TENM2: variants seen among roughly 807,000 people sequenced by gnomAD.
TENM2 encodes the protein teneurin transmembrane protein 2, also known as teneurin-2.
In TENM2, 52 loss-of-function variants were observed where a neutral mutation model predicts 245.2. The observed-to-expected ratio is 0.21, with a 90% CI of 0.17 to 0.27. The LOEUF (loss-of-function observed/expected upper bound fraction) is 0.27. Among genes scored for constraint, TENM2 ranks in the 10% least tolerant of loss-of-function variants. The pLI is 1.00. For missense variants in TENM2, 3,046 were observed against 3,666.8 expected (o/e 0.83, Z 4.37); for synonymous variants, 1,363 against 1,438.9 (o/e 0.95, Z 1.19).
chr5:167,205,985 A>G, the TENM2 span, among the ~76,000 whole-genome samples: 11 of 152,214 alleles, frequency 7.2e-5, no homozygotes, highest in Admixed American at 7.2e-4. Flanking sequence ...ATGTGATCCC[A>G]TTGGGCCTAC....
intron 1 of TENM2, among the ~76,000 whole-genome samples, chr5:167,372,150 A>C (rs1393410161): frequency 6.6e-6 from 1 of 152,084 alleles, no homozygotes; most frequent in Non-Finnish European, 1.5e-5. Flanking sequence ...ATGTAAACAT[A>C]CTCATTTAGC....
chr5:167,549,368 A>G (rs562919084), intron 2 of TENM2, among the ~76,000 whole-genome samples: 2 of 152,336 alleles, frequency 1.3e-5, no homozygotes, highest in East Asian at 3.9e-4. Context: ...TGAAAATAAA[A>G]TTACAAAATC....
chr5:168,262,811 CA>C (rs1353171585), exon 29 of TENM2: 33 of 1,592,224 alleles, frequency 2.1e-5, no homozygotes, highest in Non-Finnish European at 2.8e-5. Flanking sequence ...AAAGAGGTAA[CA>C]AAATAATCTG....
rs1414895873 is a variant in TENM2, at chr5:167,547,154, C to T, written c.502+171681C>T. On this transcript the variant is annotated intron_variant, in intron 2 of 28. Transcript: ENST00000518659. The stretch of plus-strand genomic sequence containing the variant: ...AGGCTGGAGTGTAATGGCTTGATCT[C>T]GGCTCACTGCAACCTCCACCTACCA... 2.6e-5 allele frequency among the ~76,000 whole-genome samples: 4 copies of T among 152,130 alleles called. No individual in the cohort carries two copies. In the South Asian group the frequency reaches 6.2e-4, roughly 24 times the overall value.
the TENM2 span, among the ~76,000 whole-genome samples, chr5:167,078,937 T>C: frequency 6.6e-6 from 1 of 151,996 alleles, no homozygotes; most frequent in Non-Finnish European, 1.5e-5. Flanking sequence ...GACAGCGATA[T>C]CACAAACGCA....
chr5:167,468,893 T>A (rs1766835553), intron 2 of TENM2, among the ~76,000 whole-genome samples: 1 of 152,306 alleles, frequency 6.6e-6, no homozygotes, highest in African/African-American at 2.4e-5. Context: ...GACACTTCTG[T>A]GATAGAAGAC....
chr5:168,262,476 G>A (rs1183935560), exon 29 of TENM2: 11 of 1,561,762 alleles, frequency 7.0e-6, no homozygotes, highest in South Asian at 2.4e-5. Flanking sequence ...AGGACTCGAA[G>A]GTTCACGAAC....
At chr5:167,022,396 T>C in the TENM2 span, among the ~76,000 whole-genome samples, 1 of 152,206 alleles carries the variant, frequency 6.6e-6, no homozygotes, top group Admixed American at 6.5e-5. Context: ...AGAGAGTACA[T>C]GGTTAAAAGA....
rs147569506 is a variant in TENM2, at chr5:167,882,696, A to G, written c.712+6501A>G. Among the ~76,000 whole-genome samples the G allele has an allele frequency of 8.4e-3, 1,281 of 152,130 alleles. 17 individuals carry two copies. Among genetic ancestry groups the G allele is most frequent in the African/African-American group, 0.029 (1,202 of 41,538 alleles). ...GATGCCTATAAAACCATCAGATCTC[A>G]TGAGACTCACTCACTATCATGAGAA... On this transcript the variant is annotated intron_variant, in intron 3 of 28. Transcript: ENST00000518659.
In TENM2 at chr5:168,215,035, T is replaced by A. The variant is rs1159272624; in HGVS notation, c.3846-5T>A. 1 of 1,613,524 alleles carries A rather than the reference T, an allele frequency of 6.2e-7. No homozygotes were observed. Among genetic ancestry groups the A allele is most frequent in the Non-Finnish European group, 8.5e-7 (1 of 1,179,654 alleles). On this transcript the variant is annotated splice_polypyrimidine_tract_variant and splice_region_variant and intron_variant, in intron 20 of 28. Coordinates refer to ENST00000518659, the Ensembl canonical transcript of TENM2. ...TCATTTCTCTTTGTGCTTCTTCTAC[T>A]AAAGCAACAACCCAGCACACAAGTA...
rs542487029 is a variant in TENM2 at position 167,959,339 on chromosome 5, C to T, written c.947+6517C>T. ...CCTCCCCAGCAGCTGGGACTACAGG[C>T]GCACACCACCACACCCAGCTAATTT... On this transcript the variant is annotated intron_variant, in intron 4 of 28. Transcript: ENST00000518659. Among the ~76,000 whole-genome samples, 228 of 152,216 alleles carry T rather than the reference C, an allele frequency of 1.5e-3. 1 individual carries two copies. Among genetic ancestry groups the T allele is most frequent in the African/African-American group, 4.9e-3 (205 of 41,542 alleles).
the TENM2 span, among the ~76,000 whole-genome samples, chr5:167,069,049 T>C: frequency 6.6e-6 from 1 of 152,210 alleles, no homozygotes; most frequent in Admixed American, 6.5e-5. Flanking sequence ...GTCTGTGAAA[T>C]ATGTATTTTT....
At chr5:168,162,697 G>C in exon 13 of TENM2, 1 of 1,614,026 alleles carries the variant, frequency 6.2e-7, no homozygotes, top group Non-Finnish European at 8.5e-7. Flanking sequence ...CGGCTGGAGA[G>C]GGCCCGGATG....
intron 2 of TENM2, among the ~76,000 whole-genome samples, chr5:167,741,329 G>C (rs1761160828): frequency 6.6e-6 from 1 of 152,200 alleles, no homozygotes; most frequent in Admixed American, 6.5e-5. Context: ...TGAATGGATA[G>C]ATTTAGGAAA....
chr5:168,077,647 A>G lies in TENM2; in HGVS notation c.1516-12927A>G, dbSNP rs11949053. ...CTGTGTCCAAGTGTTCTCATTGTTC[A>G]ATTCCCATCTATGAGTGAGAACATA... On this transcript the variant is annotated intron_variant, in intron 7 of 28. Transcript: ENST00000518659. Among the ~76,000 whole-genome samples the G allele has an allele frequency of 2.3e-3, 352 of 152,210 alleles. 3 individuals are homozygous for G. Among genetic ancestry groups the G allele is most frequent in the African/African-American group, 7.0e-3 (291 of 41,544 alleles).
intron 2 of TENM2, among the ~76,000 whole-genome samples, chr5:167,545,380 A>G (rs2127611410): frequency 6.6e-6 from 1 of 152,310 alleles, no homozygotes; most frequent in East Asian, 1.9e-4. Flanking sequence ...TTTTAAAAAT[A>G]GTCTATGAAA....
intron 2 of TENM2, among the ~76,000 whole-genome samples, chr5:167,584,472 G>A (rs1775337742): frequency 6.6e-6 from 1 of 152,150 alleles, no homozygotes; most frequent in African/African-American, 2.4e-5. Flanking sequence ...TGATTGGTTG[G>A]GGGAGGTAAC....
Position 167,712,929 on chromosome 5 carries a change from T to A in TENM2, c.503-163057T>A, listed in dbSNP as rs535172235. Among the ~76,000 whole-genome samples the A allele has an allele frequency of 9.2e-5, 14 of 152,308 alleles. No individual in the cohort carries two copies. The South Asian group carries it at 1.0e-3, about 11-fold the overall frequency. Reference sequence around the variant, plus strand: ...ATCATGCTAGGTCTGGATTTTAGCATCTTCTTGCTAGAAGCAACTGATTGT... The same window carrying A: ...ATCATGCTAGGTCTGGATTTTAGCAACTTCTTGCTAGAAGCAACTGATTGT... On this transcript the variant is annotated intron_variant, in intron 2 of 28. Transcript: ENST00000518659.
chr5:167,396,081 C>A (rs1248699766), intron 2 of TENM2, among the ~76,000 whole-genome samples: 1 of 152,012 alleles, frequency 6.6e-6, no homozygotes, highest in Non-Finnish European at 1.5e-5. Flanking sequence ...ATAGAATTAC[C>A]CTATGATCTA....
Sources: allele counts gnomAD v4.1 joint callset (sites outside exome capture counted in the v4.1 genomes callset), GRCh38; gene constraint gnomAD v4.1.1; transcripts MANE v1.5; gene names NCBI Gene and HGNC (gene_info 2026-07-23, HGNC 2026-07-21).